The following TMEM120B variants were observed in gnomAD, a reference collection of about 807,000 sequenced individuals.
TMEM120B encodes the protein transmembrane protein 120B.
A neutral mutation model predicts 55.5 loss-of-function variants in TMEM120B; 31 were observed. The ratio of observed to expected loss-of-function variants is 0.56; its 90% CI spans 0.42 to 0.75. The LOEUF is 0.75. Ranked by LOEUF, TMEM120B falls within the 30% of genes least tolerant of loss-of-function variation. The pLI is 0.00. For synonymous variants in TMEM120B, 203 were observed against 176.3 expected (o/e 1.15, Z -1.20); for missense variants, 399 against 425.5 (o/e 0.94, Z 0.55).
At chr12:121,714,064 T>G (rs1894649769) in intron 1 of TMEM120B, among the ~76,000 whole-genome samples, 1 of 152,034 alleles carries the variant, frequency 6.6e-6, no homozygotes, top group Non-Finnish European at 1.5e-5. Context: ...AGACAGAGGG[T>G]TGCTGGAGAG....
At chr12:121,715,395 C>T (rs191147001) in intron 1 of TMEM120B, among the ~76,000 whole-genome samples, 1 of 152,278 alleles carries the variant, frequency 6.6e-6, no homozygotes, top group African/African-American at 2.4e-5. Context: ...ATGCAATTAA[C>T]AGCAATTAGA....
intron 8 of TMEM120B, among the ~76,000 whole-genome samples, chr12:121,772,697 A>G (rs1258489550): frequency 1.3e-5 from 2 of 152,202 alleles, no homozygotes; most frequent in Non-Finnish European, 2.9e-5. Context: ...TGTTGGGATT[A>G]CAGGCATGAG....
At chr12:121,771,367 TG>T in intron 7 of TMEM120B, 120 bp from the exon 8 acceptor site, 1 of 865,240 alleles carries the variant, frequency 1.2e-6, no homozygotes, top group Non-Finnish European at 1.9e-6. Flanking sequence ...GGCGGAAGTC[TG>T]GACCTCAGTT....
intron 1 of TMEM120B, among the ~76,000 whole-genome samples, chr12:121,727,917 G>T (rs551336681): frequency 6.6e-6 from 1 of 150,668 alleles, no homozygotes; most frequent in Admixed American, 6.7e-5. Flanking sequence ...TGAGTCCAAG[G>T]TTCAGAGCTT....
chr12:121,775,438 C>T lies in TMEM120B; in HGVS notation c.907-171C>T, dbSNP rs1355574773. On this transcript the variant is annotated intron_variant, in intron 11 of 11. Transcript: ENST00000449592. The surrounding 1 kb of genome is among the most constrained non-coding windows in gnomAD (Gnocchi z 4.3). The stretch of plus-strand genomic sequence containing the variant: ...CATCGAGCCCTTCCCAGGCCCTGCC[C>T]AAGCCTGAGGCCTCACCCTTCCCCC... 1.0e-6 allele frequency: 1 copy of T among 985,142 alleles called. No individual in the cohort carries two copies. The highest frequency in any genetic ancestry group is 1.2e-6 in the Non-Finnish European group (1 of 829,896). 61.0% of individuals were successfully genotyped at this position (985,142 alleles called of 1,614,324 possible).
At chr12:121,757,678 G>A (rs1249579153) in intron 5 of TMEM120B, among the ~76,000 whole-genome samples, 2 of 152,070 alleles carry the variant, frequency 1.3e-5, no homozygotes, top group African/African-American at 2.4e-5. Context: ...CACCATGCCC[G>A]GCTACTTTTT....
chr12:121,739,439 G>A (rs1338869342), intron 1 of TMEM120B, among the ~76,000 whole-genome samples: 1 of 151,994 alleles, frequency 6.6e-6, no homozygotes, highest in Non-Finnish European at 1.5e-5. Context: ...ACAAGGTGGG[G>A]TTAGGGGTGC....
In TMEM120B at chr12:121,777,238, G is replaced by C. The variant is rs918011840; in HGVS notation, c.*1516G>C. The C allele has an allele frequency of 2.6e-5, 4 of 151,960 alleles. No homozygotes were observed. Among genetic ancestry groups the C allele is most frequent in the African/African-American group, 9.7e-5 (4 of 41,306 alleles). 9.4% of individuals were successfully genotyped at this position (151,960 alleles called of 1,614,324 possible). ...GCCTGCCTCAGCCTCCCAAAGTGCT[G>C]GGATTACAGGTGTGAGCCACCATGC... On this transcript the variant is annotated 3_prime_UTR_variant, in exon 12 of 12. Transcript: ENST00000449592.
chr12:121,751,392 A>C, intron 4 of TMEM120B, among the ~76,000 whole-genome samples: 1 of 48,938 alleles, frequency 2.0e-5, no homozygotes, highest in African/African-American at 8.5e-5. Context: ...CCATATTCAC[A>C]TCCCACCCCA....
At chr12:121,739,416 A>G (rs2669170) in intron 1 of TMEM120B, among the ~76,000 whole-genome samples, 82,766 of 151,790 alleles carry the variant, frequency 0.55, 23,899 homozygotes, top group African/African-American at 0.75. Flanking sequence ...TTTTCTAGAC[A>G]ATTGACCCTT....
chr12:121,718,296 C>T (rs908565349), intron 1 of TMEM120B, among the ~76,000 whole-genome samples: 3 of 152,026 alleles, frequency 2.0e-5, no homozygotes, highest in African/African-American at 7.2e-5. Flanking sequence ...CCAGCCTGGG[C>T]AACATGGTGA....
chr12:121,776,149 G>A lies in TMEM120B; in HGVS notation c.*427G>A, dbSNP rs1256077843. The A allele has an allele frequency of 3.8e-5, 15 of 391,744 alleles. No individual in the cohort carries two copies. Among genetic ancestry groups the A allele is most frequent in the Non-Finnish European group, 5.9e-5 (13 of 220,440 alleles). 24.3% of individuals were successfully genotyped at this position (391,744 alleles called of 1,614,324 possible). A position where few individuals can be genotyped will look rare whatever the true frequency, so the allele number is the denominator to read the frequency against. On this transcript the variant is annotated 3_prime_UTR_variant, in exon 12 of 12. Transcript: ENST00000449592. ...CAGGCTGGGGTGGTGTGAACCCTCA[G>A]TGTCCTGTGGCGCCCCCACCCCGGG...
chr12:121,736,041 A>G (rs932132000), intron 1 of TMEM120B, among the ~76,000 whole-genome samples: 1 of 152,074 alleles, frequency 6.6e-6, no homozygotes, highest in Non-Finnish European at 1.5e-5. Flanking sequence ...TTCACTCAAG[A>G]AGAAAAACTA....
intron 6 of TMEM120B, among the ~76,000 whole-genome samples, chr12:121,763,704 A>G (rs575975057): frequency 3.8e-4 from 58 of 152,138 alleles, no homozygotes; most frequent in Non-Finnish European, 7.2e-4. Context: ...TGGCCTCCCA[A>G]AGTGTTGGGA....
At chr12:121,721,643 T>C (rs1592922902) in intron 1 of TMEM120B, among the ~76,000 whole-genome samples, 2 of 151,784 alleles carry the variant, frequency 1.3e-5, no homozygotes, top group East Asian at 3.9e-4. Context: ...AGCTAATTTT[T>C]GTATTTTTAG....
chr12:121,727,916 G>A lies in TMEM120B; in HGVS notation c.69+14952G>A, dbSNP rs968357280. ...AAGAGATTGGTAACAATGAGTCCAA[G>A]GTTCAGAGCTTCTTTTCTTAACTAA... is the stretch of plus-strand genomic sequence containing the variant. On this transcript the variant is annotated intron_variant, in intron 1 of 11. Transcript: ENST00000449592. 4.0e-5 allele frequency among the ~76,000 whole-genome samples: 6 copies of A among 150,258 alleles called. No homozygotes were observed. In the Admixed American group the frequency reaches 4.0e-4, roughly 10 times the overall value.
chr12:121,770,966 T>C lies in TMEM120B; in HGVS notation c.611T>C (p.Leu204Pro). The change falls in exon 7 of 12, where the codon CTG becomes CCG. Residue 204 changes from leucine to proline, a missense_variant. Physicochemically the swap from Leu to Pro is moderately conservative, Grantham distance 98. Transcript: ENST00000449592. Reference protein sequence around the residue: ...YVSTFLSGVMLTWPNGPIYQK... With the variant: ...YVSTFLSGVMPTWPNGPIYQK... ...TCCACATTCCTGTCCGGAGTGATGC[T>C]GACCTGGTGAGTAGCCCCTCGCTGG... 1 of 1,613,944 alleles carries C rather than the reference T, an allele frequency of 6.2e-7. No homozygotes were observed. The highest frequency in any genetic ancestry group is 8.5e-7 in the Non-Finnish European group (1 of 1,179,932).
At chr12:121,737,151 A>C (rs763164500) in intron 1 of TMEM120B, among the ~76,000 whole-genome samples, 8 of 152,252 alleles carry the variant, frequency 5.3e-5, no homozygotes, top group Non-Finnish European at 1.2e-4. Flanking sequence ...TTAAGGAGAG[A>C]GAACAGAGGC....
At chr12:121,727,873 CA>C (rs10710244) in intron 1 of TMEM120B, among the ~76,000 whole-genome samples, 6,461 of 80,472 alleles carry the variant, frequency 0.08, 275 homozygotes, top group African/African-American at 0.25. Context: ...CACTCCATCT[CA>C]AAAAAAAAAA....
Sources: allele counts gnomAD v4.1 joint callset (sites outside exome capture counted in the v4.1 genomes callset), GRCh38; gene constraint gnomAD v4.1.1; non-coding constraint Gnocchi (gnomAD v3.1); transcripts MANE v1.5; gene names NCBI Gene and HGNC (gene_info 2026-07-23, HGNC 2026-07-21).